TMEM163: variants seen among roughly 807,000 people sequenced by gnomAD.
TMEM163 encodes the protein transmembrane protein 163.
A neutral mutation model predicts 29.3 loss-of-function variants in TMEM163; 17 were observed. The ratio of observed to expected loss-of-function variants is 0.58; its 90% CI spans 0.40 to 0.87. The LOEUF (loss-of-function observed/expected upper bound fraction) is 0.87. TMEM163 is among the 40% of genes least tolerant of loss of function. The pLI, the probability that TMEM163 is intolerant of heterozygous loss-of-function variation, is 0.00. For synonymous variants in TMEM163, 157 were observed against 160.6 expected, an observed-to-expected ratio of 0.98 and a Z score of 0.17; for missense variants, 303 against 381.5, an observed-to-expected ratio of 0.79 and a Z score of 1.71.
chr2:134,705,231 T>G (rs1407739276), intron 2 of TMEM163, among the ~76,000 whole-genome samples: 1 of 150,708 alleles, frequency 6.6e-6, no homozygotes, highest in Non-Finnish European at 1.5e-5. Context: ...AAAATTCAAA[T>G]GTTGATGCCC....
At chr2:134,661,929 C>CTTTTTTTTT (rs1328565759) in intron 2 of TMEM163, among the ~76,000 whole-genome samples, 3 of 121,212 alleles carry the variant, frequency 2.5e-5, no homozygotes, top group African/African-American at 6.1e-5. Context: ...AATTTTCTTT[C>CTTTTTTTTT]TTTTTTTTTT....
intron 2 of TMEM163, among the ~76,000 whole-genome samples, chr2:134,672,123 G>C (rs956864772): frequency 7.2e-5 from 11 of 152,166 alleles, no homozygotes; most frequent in African/African-American, 2.7e-4. Flanking sequence ...GTAACAAAAA[G>C]TGTATTAGCT....
intron 2 of TMEM163, among the ~76,000 whole-genome samples, chr2:134,625,305 T>C (rs565302174): frequency 8.8e-4 from 134 of 152,370 alleles, no homozygotes; most frequent in African/African-American, 2.8e-3. Context: ...AAGAAGTCAA[T>C]ACACATGGAT....
chr2:134,690,732 T>C (rs548642415), intron 2 of TMEM163, among the ~76,000 whole-genome samples: 83 of 152,372 alleles, frequency 5.4e-4, no homozygotes, highest in Non-Finnish European at 1.0e-3. Context: ...AAGAACTTCA[T>C]GACTTTGGCT....
At chr2:134,717,151 GT>G (rs747485180) in intron 1 of TMEM163, among the ~76,000 whole-genome samples, 1 of 152,176 alleles carries the variant, frequency 6.6e-6, no homozygotes, top group Non-Finnish European at 1.5e-5. Context: ...CTATCATTTT[GT>G]GGGGTAGGGA....
chr2:134,489,616 C>A (rs915841656), intron 5 of TMEM163, among the ~76,000 whole-genome samples: 8 of 151,988 alleles, frequency 5.3e-5, no homozygotes, highest in African/African-American at 1.7e-4. Context: ...GTGCAATATC[C>A]ATCCATGGAA....
In TMEM163 at chr2:134,471,638, A is replaced by G. The variant is rs1222671715; in HGVS notation, c.556-5413T>C. Among the ~76,000 whole-genome samples, 4 of 152,232 alleles carry G rather than the reference A, an allele frequency of 2.6e-5. No individual in the cohort carries two copies. The East Asian group carries it at 7.7e-4, about 29-fold the overall frequency. On this transcript the variant is annotated intron_variant, in intron 5 of 7. Coordinates refer to ENST00000281924, the MANE Select transcript of TMEM163 (RefSeq NM_030923.5). ...AAGTTTCTGAGAAGATTCCTTTCAG[A>G]GAGTCAGGAAGCCACAGCAGACATG...
chr2:134,465,467 G>A (rs1258911251), intron 6 of TMEM163, among the ~76,000 whole-genome samples: 1 of 152,204 alleles, frequency 6.6e-6, no homozygotes, highest in Non-Finnish European at 1.5e-5. Context: ...AGGAGGCACT[G>A]CTTGTCAAGT....
intron 4 of TMEM163, among the ~76,000 whole-genome samples, chr2:134,513,402 G>A (rs981502223): frequency 3.3e-5 from 5 of 152,196 alleles, no homozygotes; most frequent in Non-Finnish European, 5.9e-5. Flanking sequence ...TCAAAGCCAA[G>A]TAGATTCTTT....
At chr2:134,650,741 T>C (rs918854119) in intron 2 of TMEM163, among the ~76,000 whole-genome samples, 3 of 122,530 alleles carry the variant, frequency 2.4e-5, no homozygotes, top group Non-Finnish European at 4.8e-5. Flanking sequence ...CCCCTTCCTG[T>C]GTCCATGTGA....
intron 4 of TMEM163, among the ~76,000 whole-genome samples, chr2:134,527,732 G>A (rs1680328225): frequency 6.6e-6 from 1 of 152,230 alleles, no homozygotes; most frequent in Non-Finnish European, 1.5e-5. Context: ...ACAGGATTGA[G>A]ATGGGATGCC....
chr2:134,614,295 C>T lies in TMEM163; in HGVS notation c.323-62204G>A, dbSNP rs991005648. Among the ~76,000 whole-genome samples the T allele has an allele frequency of 4.6e-5, 7 of 152,048 alleles. No homozygotes were observed. In the East Asian group the frequency reaches 1.3e-3, roughly 29 times the overall value. On this transcript the variant is annotated intron_variant, in intron 2 of 7. Coordinates refer to ENST00000281924, the MANE Select transcript of TMEM163 (RefSeq NM_030923.5). ...GGCAAAAAGAATAGGGAACCACAAC[C>T]TCACACTTTATATAAAATTAAATCA...
intron 2 of TMEM163, among the ~76,000 whole-genome samples, chr2:134,682,046 C>T (rs541084183): frequency 2.0e-5 from 3 of 152,228 alleles, no homozygotes; most frequent in African/African-American, 7.2e-5. Flanking sequence ...CCCAAAGGAT[C>T]CTACGTAGTC....
At chr2:134,596,989 C>T (rs556004287) in intron 2 of TMEM163, among the ~76,000 whole-genome samples, 7 of 152,296 alleles carry the variant, frequency 4.6e-5, no homozygotes, top group African/African-American at 1.4e-4. Flanking sequence ...GCTGAAGTTG[C>T]TTATCAGCTT....
chr2:134,717,389 A>G (rs1164332810), intron 1 of TMEM163, among the ~76,000 whole-genome samples: 1 of 152,170 alleles, frequency 6.6e-6, no homozygotes, highest in Admixed American at 6.5e-5. Context: ...ACAGGGGGAG[A>G]AACTGCAACA....
chr2:134,698,951 G>A (rs1471416638), intron 2 of TMEM163, among the ~76,000 whole-genome samples: 1 of 152,148 alleles, frequency 6.6e-6, no homozygotes, highest in East Asian at 1.9e-4. Flanking sequence ...GCTCCACATT[G>A]AGCCACTGGA....
chr2:134,593,654 G>C lies in TMEM163; in HGVS notation c.323-41563C>G, dbSNP rs2104804044. 1.3e-5 allele frequency among the ~76,000 whole-genome samples: 2 copies of C among 151,676 alleles called. 1 individual carries two copies. Among genetic ancestry groups the C allele is most frequent in the South Asian group, 4.2e-4 (2 of 4,806 alleles). On this transcript the variant is annotated intron_variant, in intron 2 of 7. Coordinates refer to ENST00000281924, the MANE Select transcript of TMEM163 (RefSeq NM_030923.5). ...AGTTGGGGCAGAGGAGAGGAGGGGT[G>C]GAAGGTAAGCCGAGTCTTGAAACGG...
At chr2:134,649,731 TA>T (rs903245334) in intron 2 of TMEM163, among the ~76,000 whole-genome samples, 39 of 152,248 alleles carry the variant, frequency 2.6e-4, no homozygotes, top group African/African-American at 9.1e-4. Flanking sequence ...GCAGCCTATA[TA>T]GGCTGAGCAT....
intron 2 of TMEM163, among the ~76,000 whole-genome samples, chr2:134,675,134 T>C (rs145734494): frequency 0.017 from 2,552 of 152,346 alleles, 72 homozygotes; most frequent in African/African-American, 0.058. Flanking sequence ...TTTTACAATA[T>C]GTATTATCGA....
Sources: allele counts gnomAD v4.1 joint callset (sites outside exome capture counted in the v4.1 genomes callset), GRCh38; gene constraint gnomAD v4.1.1; transcripts MANE v1.5; gene names NCBI Gene and HGNC (gene_info 2026-07-23, HGNC 2026-07-21).